The following ZC3H12B variants were observed in gnomAD, a reference collection of about 807,000 sequenced individuals.
ZC3H12B encodes zinc finger CCCH-type containing 12B.
ZC3H12B carries 7 observed loss-of-function variants against 43.9 expected under a neutral mutation model. That is an observed-to-expected ratio of 0.16 (90% confidence interval 0.09 to 0.30). The LOEUF is 0.30. Among genes scored for constraint, ZC3H12B ranks in the 10% least tolerant of loss-of-function variants. The probability of loss-of-function intolerance (pLI) is 1.00; values close to 1 mark genes in which losing one functional copy is unlikely to be tolerated. For synonymous variants in ZC3H12B, 222 were observed against 241.7 expected (o/e 0.92, Z 0.76); for missense variants, 475 against 670.2 (o/e 0.71, Z 3.22).
the ZC3H12B span, among the ~76,000 whole-genome samples, chrX:65,127,765 C>T: frequency 9.0e-6 from 1 of 110,780 alleles, no homozygotes; most frequent in South Asian, 3.8e-4. Context: ...GAGATTATGG[C>T]TGCCTCTGCT....
chrX:65,211,084 G>T, the ZC3H12B span, among the ~76,000 whole-genome samples: 1 of 48,960 alleles, frequency 2.0e-5, no homozygotes, highest in African/African-American at 2.4e-4. Flanking sequence ...AAAAAAAAAA[G>T]AAAGAAAAAA....
chrX:65,458,133 G>A (rs2067663238), intron 3 of ZC3H12B, among the ~76,000 whole-genome samples: 1 of 96,028 alleles, frequency 1.0e-5, no homozygotes, highest in South Asian at 5.0e-4. Flanking sequence ...TAATGGTAAA[G>A]GGATCAATTC....
the ZC3H12B span, among the ~76,000 whole-genome samples, chrX:65,332,574 G>A: frequency 1.8e-5 from 2 of 111,411 alleles, no homozygotes; most frequent in Non-Finnish European, 3.8e-5. Flanking sequence ...TATGTGTTTA[G>A]AATTAGAATA....
At chrX:65,074,529 T>C in the ZC3H12B span, among the ~76,000 whole-genome samples, 1 of 112,073 alleles carries the variant, frequency 8.9e-6, no homozygotes, top group Non-Finnish European at 1.9e-5. Flanking sequence ...ATTTGGGATA[T>C]TTAGGCTATT....
the ZC3H12B span, among the ~76,000 whole-genome samples, chrX:65,198,222 AT>A: frequency 5.4e-5 from 6 of 112,041 alleles, no homozygotes; most frequent in Non-Finnish European, 9.4e-5. Context: ...TCACATTATT[AT>A]TTTTTATTGG....
the ZC3H12B span, among the ~76,000 whole-genome samples, chrX:65,190,547 T>C: frequency 9.4e-6 from 1 of 106,633 alleles, no homozygotes; most frequent in Non-Finnish European, 1.9e-5. Context: ...GGTATTTTAT[T>C]CTCTTTGAAG....
chrX:65,274,877 C>T, the ZC3H12B span, among the ~76,000 whole-genome samples: 4 of 111,945 alleles, frequency 3.6e-5, no homozygotes, highest in African/African-American at 1.3e-4. Flanking sequence ...GAAACAGCCC[C>T]GAGGGACTGT....
chrX:65,257,833 A>G, the ZC3H12B span, among the ~76,000 whole-genome samples: 1 of 111,145 alleles, frequency 9.0e-6, no homozygotes, highest in African/African-American at 3.3e-5. Context: ...TTGAACCAGG[A>G]AGAGATTAAA....
chrX:65,353,552 A>G, the ZC3H12B span, among the ~76,000 whole-genome samples: 1 of 112,122 alleles, frequency 8.9e-6, no homozygotes, highest in African/African-American at 3.2e-5. Context: ...AGATTTGAAT[A>G]TAATTAAAAC....
At chrX:65,385,651 G>T (rs1459711504) in intron 2 of ZC3H12B, among the ~76,000 whole-genome samples, 1 of 111,194 alleles carries the variant, frequency 9.0e-6, no homozygotes, top group East Asian at 2.8e-4. Context: ...TATCCTGCAT[G>T]ATTGCTCTGG....
the ZC3H12B span, among the ~76,000 whole-genome samples, chrX:65,136,076 C>G: frequency 6.3e-5 from 7 of 111,575 alleles, no homozygotes; most frequent in Non-Finnish European, 9.4e-5. Flanking sequence ...TGAGACCTTT[C>G]TGGTCTTAAT....
chrX:65,401,152 C>T (rs758798732), intron 3 of ZC3H12B, among the ~76,000 whole-genome samples: 1 of 110,262 alleles, frequency 9.1e-6, no homozygotes, highest in South Asian at 3.9e-4. Context: ...GGTTTTAACT[C>T]TATACTGCTG....
the ZC3H12B span, among the ~76,000 whole-genome samples, chrX:65,334,489 T>C: frequency 8.9e-6 from 1 of 112,355 alleles, no homozygotes; most frequent in Non-Finnish European, 1.9e-5. Flanking sequence ...AAATTGTTTT[T>C]ATTTTTCAAA....
At chrX:65,103,724 C>T in the ZC3H12B span, among the ~76,000 whole-genome samples, 2 of 111,453 alleles carry the variant, frequency 1.8e-5, no homozygotes, top group African/African-American at 6.5e-5. Context: ...GCCAGTCCCT[C>T]TGTTTGGGGT....
intron 3 of ZC3H12B, among the ~76,000 whole-genome samples, chrX:65,456,961 G>A (rs1448022354): frequency 3.1e-4 from 32 of 103,383 alleles, no homozygotes; most frequent in Admixed American, 9.3e-4. Flanking sequence ...AGTGAGGAGC[G>A]TCTCTGCCTG....
At chrX:65,072,928 G>T in the ZC3H12B span, among the ~76,000 whole-genome samples, 33 of 112,735 alleles carry the variant, frequency 2.9e-4, no homozygotes, top group South Asian at 0.012. Flanking sequence ...CACAGGTGGG[G>T]TGTTGGCAGA....
At chrX:65,095,747 G>A in the ZC3H12B span, among the ~76,000 whole-genome samples, 5 of 111,627 alleles carry the variant, frequency 4.5e-5, no homozygotes, top group African/African-American at 1.6e-4. Context: ...TAACTGGAGG[G>A]AAGGACATTA....
the ZC3H12B span, among the ~76,000 whole-genome samples, chrX:65,304,829 A>G: frequency 9.0e-6 from 1 of 111,552 alleles, no homozygotes; most frequent in South Asian, 3.7e-4. Flanking sequence ...AAAATAATAA[A>G]TTGGACTTCA....
At chrX:65,289,879 A>G in the ZC3H12B span, among the ~76,000 whole-genome samples, 1 of 110,990 alleles carries the variant, frequency 9.0e-6, no homozygotes, top group African/African-American at 3.3e-5. Context: ...CTATAATACT[A>G]TTAGAAGAAA....
Sources: gnomAD v4.1 joint callset for allele counts (sites outside exome capture counted in the v4.1 genomes callset) on GRCh38, gnomAD v4.1.1 for gene constraint, MANE v1.5 for transcripts, NCBI Gene and HGNC (gene_info 2026-07-23, HGNC 2026-07-21) for gene names.